The following FGF5 variants were observed in gnomAD, a reference collection of about 807,000 sequenced individuals.
The protein encoded by FGF5 is fibroblast growth factor 5.
Under a neutral mutation model 21.8 loss-of-function variants are expected in FGF5, and 23 were observed. The ratio of observed to expected loss-of-function variants is 1.05; its 90% CI spans 0.76 to 1.49. The LOEUF is 1.49. Among genes scored for constraint, FGF5 ranks in the 40% most tolerant of loss-of-function variants. The pLI is 0.00. For missense variants in FGF5, 352 were observed against 332.9 expected, an observed-to-expected ratio of 1.06 and a Z score of -0.45; for synonymous variants, 158 against 124.0, an observed-to-expected ratio of 1.27 and a Z score of -1.82.
intron 2 of FGF5, 88 bp from the exon 3 acceptor site, chr4:80,286,237 T>C (rs1720711698): frequency 2.3e-6 from 2 of 884,268 alleles, no homozygotes; most frequent in Admixed American, 2.5e-5. Context: ...AACAAAATTA[T>C]TGTTTTTTTT....
chr4:80,274,450 T>C (rs1353988881), intron 1 of FGF5, among the ~76,000 whole-genome samples: 1 of 152,076 alleles, frequency 6.6e-6, no homozygotes, highest in Non-Finnish European at 1.5e-5. Flanking sequence ...GAGGAATTTA[T>C]TTAATGTAAA....
chr4:80,282,005 C>T (rs745861100), intron 2 of FGF5, among the ~76,000 whole-genome samples: 1 of 151,926 alleles, frequency 6.6e-6, no homozygotes, highest in Non-Finnish European at 1.5e-5. Context: ...TCTTGTTGCC[C>T]AGGCTAGAGT....
At position 80,266,816 on chromosome 4, in the gene FGF5, G is replaced by T. The variant is rs768941973; in HGVS notation, c.-9G>T. ...ACAAGATGCACTTAGGACCCCCGCG[G>T]CTGGAAGAATGAGCTTGTCCTTCCT... On this transcript the variant is annotated 5_prime_UTR_variant, in exon 1 of 3. Transcript: ENST00000312465. 2.6e-6 allele frequency: 4 copies of T among 1,567,140 alleles called. No individual in the cohort carries two copies. The Admixed American group carries it at 5.6e-5, about 22-fold the overall frequency.
chr4:80,290,576 T>G lies in FGF5; in HGVS notation c.*3904T>G, dbSNP rs1720873727. 6.6e-6 allele frequency: 1 copy of G among 152,082 alleles called. No homozygotes were observed. Among genetic ancestry groups the G allele is most frequent in the Non-Finnish European group, 1.5e-5 (1 of 68,010 alleles). 9.4% of individuals were successfully genotyped at this position (152,082 alleles called of 1,614,324 possible). On this transcript the variant is annotated 3_prime_UTR_variant, in exon 3 of 3. Transcript: ENST00000312465. ...ATTATACTTCAAGTTCTAGGGTACA[T>G]GTCCACAATGCACATGTCTGTCACA...
intron 2 of FGF5, among the ~76,000 whole-genome samples, chr4:80,276,623 G>T (rs1328128990): frequency 2.0e-5 from 3 of 151,856 alleles, no homozygotes; most frequent in Non-Finnish European, 4.4e-5. Flanking sequence ...TACCCAATGT[G>T]TTGTCTTTTA....
rs1295320634 is a variant in FGF5, at chr4:80,288,119, G to A, written c.*1447G>A. 6.6e-6 allele frequency: 1 copy of A among 152,048 alleles called. No homozygotes were observed. Among genetic ancestry groups the A allele is most frequent in the African/African-American group, 2.4e-5 (1 of 41,388 alleles). 9.4% of individuals were successfully genotyped at this position (152,048 alleles called of 1,614,324 possible). A position where few individuals can be genotyped will look rare whatever the true frequency, so the allele number is the denominator to read the frequency against. On this transcript the variant is annotated 3_prime_UTR_variant, in exon 3 of 3. Coordinates refer to ENST00000312465, the MANE Select transcript of FGF5 (RefSeq NM_004464.4). The stretch of plus-strand genomic sequence containing the variant: ...AGGCATAGCTAAAGGCTAAACATAT[G>A]GCTTTAGTAGTAACAAAAGGGTTCA...
chr4:80,268,119 C>G (rs528175262), intron 1 of FGF5: 8 of 152,190 alleles, frequency 5.3e-5, no homozygotes, highest in African/African-American at 1.9e-4. Context: ...TTTTTCCTTT[C>G]TCATCTCCTC....
At chr4:80,268,890 T>C (rs777403792) in intron 1 of FGF5, among the ~76,000 whole-genome samples, 8 of 152,270 alleles carry the variant, frequency 5.3e-5, no homozygotes, top group Non-Finnish European at 7.3e-5. Flanking sequence ...GCAAGATCTG[T>C]TGGGGTGAAA....
At chr4:80,283,947 T>C (rs1466827163) in intron 2 of FGF5, among the ~76,000 whole-genome samples, 1 of 152,214 alleles carries the variant, frequency 6.6e-6, no homozygotes, top group Non-Finnish European at 1.5e-5. Context: ...GGGAAAACCA[T>C]TTTAAGAGCT....
Position 80,267,137 on chromosome 4 carries a change from C to G in FGF5, c.313C>G (p.Pro105Ala). ...VGIGFHLQIY[P>A]DGKVNGSHEA... is the part of the protein sequence containing the mutation. ...CATCGGTTTCCATCTGCAGATCTAC[C>G]CGGATGGCAAAGTCAATGGATCCCA... Residue 105 changes from proline (P) to alanine (A), a missense_variant, in exon 1 of 3, where the codon CCG (proline) becomes GCG (alanine). Coordinates refer to ENST00000312465, the MANE Select transcript of FGF5 (RefSeq NM_004464.4). 1 of 1,613,010 alleles carries G rather than the reference C, an allele frequency of 6.2e-7. No individual in the cohort carries two copies. Among genetic ancestry groups the G allele is most frequent in the South Asian group, 1.1e-5 (1 of 90,948 alleles).
chr4:80,269,522 A>G (rs1013157036), intron 1 of FGF5, among the ~76,000 whole-genome samples: 4 of 152,242 alleles, frequency 2.6e-5, no homozygotes, highest in Non-Finnish European at 5.9e-5. Context: ...ACTACCCAGT[A>G]TGTAACATGT....
chr4:80,268,761 G>T lies in FGF5; in HGVS notation c.355+1582G>T, dbSNP rs143702405. The stretch of plus-strand genomic sequence containing the variant: ...CCTGGAGCGCCCAGCTGGAGAGAGG[G>T]CCCTCCGCACACGCACCAGCGAGTC... On this transcript the variant is annotated intron_variant, in intron 1 of 2. Coordinates refer to ENST00000312465, the MANE Select transcript of FGF5 (RefSeq NM_004464.4). Among the ~76,000 whole-genome samples the T allele has an allele frequency of 1.8e-3, 269 of 152,338 alleles. 1 individual carries two copies. The highest frequency in any genetic ancestry group is 5.9e-3 in the African/African-American group (245 of 41,586).
Position 80,274,972 on chromosome 4 carries a change from A to G in FGF5, c.419A>G (p.Lys140Arg), listed in dbSNP as rs1218157068. 1.9e-6 allele frequency: 3 copies of G among 1,598,072 alleles called. No homozygotes were observed. The highest frequency in any genetic ancestry group is 2.6e-6 in the Non-Finnish European group (3 of 1,169,236). The change falls in exon 2 of 3, where the codon AAA becomes AGA. Residue 140 changes from lysine (K) to arginine (R), a missense_variant. Coordinates refer to ENST00000312465, the MANE Select transcript of FGF5 (RefSeq NM_004464.4). ...GGAATACGAGGAGTTTTCAGCAACA[A>G]ATTTTTAGCGATGTCAAAAAAAGGA... Reference protein sequence around the residue: ...IVGIRGVFSNKFLAMSKKGKL... With the variant: ...IVGIRGVFSNRFLAMSKKGKL...
At chr4:80,267,710 A>G (rs1720136469) in intron 1 of FGF5, among the ~76,000 whole-genome samples, 1 of 131,322 alleles carries the variant, frequency 7.6e-6, no homozygotes, top group African/African-American at 3.6e-5. Context: ...ATATAAGTCT[A>G]TGTATACAAT....
At position 80,286,517 on chromosome 4, in the gene FGF5, A is replaced by G; in HGVS notation, c.652A>G (p.Arg218Gly). ...GCATATCTCTACCCATTTTCTGCCA[A>G]GATTCAAGCAGTCGGAGCAGCCAGA... is the stretch of plus-strand genomic sequence containing the variant. ...PQHISTHFLP[R>G]FKQSEQPELS... is the part of the protein sequence containing the mutation. The change falls in exon 3 of 3, where the codon AGA becomes GGA. Residue 218 changes from arginine to glycine, a missense_variant. Coordinates refer to ENST00000312465, the MANE Select transcript of FGF5 (RefSeq NM_004464.4). 1 of 1,614,046 alleles carries G rather than the reference A, an allele frequency of 6.2e-7. No homozygotes were observed. Among genetic ancestry groups the G allele is most frequent in the African/African-American group, 1.3e-5 (1 of 75,042 alleles).
intron 1 of FGF5, among the ~76,000 whole-genome samples, chr4:80,269,547 A>G (rs1056200068): frequency 5.3e-5 from 8 of 152,222 alleles, no homozygotes; most frequent in African/African-American, 1.9e-4. Flanking sequence ...TTTCTTTTAA[A>G]ATCCATGTTG....
intron 2 of FGF5, among the ~76,000 whole-genome samples, chr4:80,285,255 G>A (rs984833253): frequency 2.6e-5 from 4 of 152,152 alleles, no homozygotes; most frequent in Admixed American, 6.5e-5. Flanking sequence ...CAGAGCTGGT[G>A]CTGACCTACA....
At chr4:80,283,586 G>T (rs33955730) in intron 2 of FGF5, among the ~76,000 whole-genome samples, 7,572 of 152,172 alleles carry the variant, frequency 0.05, 257 homozygotes, top group Admixed American at 0.074. Flanking sequence ...AGTTAAAAAT[G>T]ACATGTTCTT....
intron 2 of FGF5, among the ~76,000 whole-genome samples, chr4:80,276,786 A>C (rs945164588): frequency 2.1e-4 from 32 of 151,904 alleles, no homozygotes; most frequent in African/African-American, 7.7e-4. Context: ...AAAAATCCAC[A>C]TACAGAATTG....
Sources: allele counts gnomAD v4.1 joint callset (sites outside exome capture counted in the v4.1 genomes callset), GRCh38; gene constraint gnomAD v4.1.1; transcripts MANE v1.5; gene names NCBI Gene and HGNC (gene_info 2026-07-23, HGNC 2026-07-21).